KIAA1614: variants seen among roughly 807,000 people sequenced by gnomAD.
KIAA1614 encodes the protein uncharacterized protein KIAA1614.
KIAA1614 carries 76 observed loss-of-function variants against 88.7 expected under a neutral mutation model. The observed-to-expected ratio is 0.86, with a 90% CI of 0.71 to 1.04. KIAA1614 has a LOEUF of 1.04. Among genes scored for constraint, KIAA1614 ranks in the 50% least tolerant of loss-of-function variants. KIAA1614 has a pLI of 0.00. For missense variants in KIAA1614, 1,553 were observed against 1,582.5 expected, an observed-to-expected ratio of 0.98 and a Z score of 0.32; for synonymous variants, 714 against 675.5, an observed-to-expected ratio of 1.06 and a Z score of -0.88.
intron 3 of KIAA1614, among the ~76,000 whole-genome samples, chr1:180,918,391 TGCTATCCCACG>T (rs1266646797): frequency 6.6e-6 from 1 of 152,200 alleles, no homozygotes; most frequent in Non-Finnish European, 1.5e-5. Flanking sequence ...AACCTTACCA[TGCTATCCCACG>T]GCCTTCGCTC....
chr1:180,946,093 A>G lies in KIAA1614; in HGVS notation c.*505A>G, dbSNP rs1378731562. 1 of 141,926 alleles carries G rather than the reference A, an allele frequency of 7.0e-6. No homozygotes were observed. Among genetic ancestry groups the G allele is most frequent in the Admixed American group, 7.5e-5 (1 of 13,354 alleles). The allele number at this position is 141,926 out of a possible 1,614,324, so 8.8% of individuals were successfully genotyped here. A position where few individuals can be genotyped will look rare whatever the true frequency, so the allele number is the denominator to read the frequency against. On this transcript the variant is annotated 3_prime_UTR_variant, in exon 9 of 9. Transcript: ENST00000367588. ...ACTCCAGCCTGGGCAACAAGAGCAA[A>G]ACTTCATCTCAAAGGAAAAAAAAAA...
intron 3 of KIAA1614, among the ~76,000 whole-genome samples, chr1:180,923,610 G>A (rs1654000587): frequency 6.6e-6 from 1 of 152,150 alleles, no homozygotes; most frequent in Non-Finnish European, 1.5e-5. Context: ...TGAGCTCCTG[G>A]GGCAAGAACT....
Position 180,948,962 on chromosome 1 carries a change from G to A in KIAA1614, c.*3374G>A, listed in dbSNP as rs552502664. Reference sequence around the variant, plus strand: ...ACACTTCAGAGGCAGGCTTTAAAACGCCTGACTTCTGTCAGGGCCACAGGC... The same window carrying A: ...ACACTTCAGAGGCAGGCTTTAAAACACCTGACTTCTGTCAGGGCCACAGGC... On this transcript the variant is annotated 3_prime_UTR_variant, in exon 9 of 9. Transcript: ENST00000367588. 4 of 152,352 alleles carry A rather than the reference G, an allele frequency of 2.6e-5. No individual in the cohort carries two copies. Among genetic ancestry groups the A allele is most frequent in the South Asian group, 2.1e-4 (1 of 4,832 alleles). The allele number at this position is 152,352 out of a possible 1,614,324, so 9.4% of individuals were successfully genotyped here.
intron 4 of KIAA1614, among the ~76,000 whole-genome samples, chr1:180,929,612 C>A (rs1654148328): frequency 6.6e-6 from 1 of 152,236 alleles, no homozygotes; most frequent in African/African-American, 2.4e-5. Flanking sequence ...GCCCCCTGAG[C>A]AACACACTGC....
intron 4 of KIAA1614, among the ~76,000 whole-genome samples, chr1:180,933,693 T>G (rs1654250948): frequency 6.6e-6 from 1 of 152,192 alleles, no homozygotes; most frequent in Non-Finnish European, 1.5e-5. Context: ...CTTCCGGAAC[T>G]GAGCAGGACT....
At chr1:180,929,689 C>T (rs1654150171) in intron 4 of KIAA1614, among the ~76,000 whole-genome samples, 1 of 152,254 alleles carries the variant, frequency 6.6e-6, no homozygotes, top group Non-Finnish European at 1.5e-5. Context: ...TGGACTTCAC[C>T]ACCACACAGA....
chr1:180,917,674 C>G (rs3761905), intron 2 of KIAA1614, among the ~76,000 whole-genome samples, 177 bp from the exon 3 acceptor site: 54,291 of 152,072 alleles, frequency 0.36, 9,928 homozygotes, highest in East Asian at 0.5. Context: ...CAGCATATGG[C>G]TGTGCCCACA....
Position 180,935,654 on chromosome 1 carries a change from T to C in KIAA1614, c.1745T>C (p.Leu582Pro). 1 of 1,612,794 alleles carries C rather than the reference T, an allele frequency of 6.2e-7. No individual in the cohort carries two copies. Among genetic ancestry groups the C allele is most frequent in the Non-Finnish European group, 8.5e-7 (1 of 1,179,608 alleles). Residue 582 changes from leucine (L) to proline (P), a missense_variant, in exon 5 of 9, where the codon CTC (leucine) becomes CCC (proline). Physicochemically the swap from Leu to Pro is moderately conservative, Grantham distance 98. Coordinates refer to ENST00000367588, the MANE Select transcript of KIAA1614 (RefSeq NM_020950.2). This position sits in a 1 kb window ranked among gnomAD's most constrained non-coding sequence, Gnocchi z 6.1. Reference sequence around the variant, plus strand: ...GGTGGCCTGAGCTCCCCACTCCGGCTCCTTCCTGCAGAGCCCCGGCTCCAC... The same window carrying C: ...GGTGGCCTGAGCTCCCCACTCCGGCCCCTTCCTGCAGAGCCCCGGCTCCAC... ...VLGGLSSPLRLLPAEPRLHME... is the reference protein window; with the variant it reads ...VLGGLSSPLRPLPAEPRLHME...
intron 3 of KIAA1614, among the ~76,000 whole-genome samples, chr1:180,919,887 C>T (rs1435543010): frequency 2.6e-5 from 4 of 152,096 alleles, no homozygotes. Flanking sequence ...GCAGGGTGTG[C>T]GTACCTGTGT....
chr1:180,936,299 C>T lies in KIAA1614; in HGVS notation c.2390C>T (p.Pro797Leu), dbSNP rs1444252657. 6.2e-7 allele frequency: 1 copy of T among 1,614,102 alleles called. No homozygotes were observed. The highest frequency in any genetic ancestry group is 1.3e-5 in the African/African-American group (1 of 74,936). Reference protein sequence around the residue: ...EPSAPHQAWQPTASLCPEGWA... With the variant: ...EPSAPHQAWQLTASLCPEGWA... ...TCTGCCCCACACCAAGCCTGGCAGC[C>T]AACAGCTTCCTTGTGTCCTGAAGGC... The change falls in exon 5 of 9, where the codon CCA (proline) becomes CTA (leucine). Residue 797 changes from proline (P) to leucine (L), a missense_variant. By Grantham distance (98) the Pro-to-Leu change is moderately conservative (BLOSUM62 -3). Transcript: ENST00000367588.
chr1:180,940,630 C>CTTTCT (rs779788428), intron 6 of KIAA1614, among the ~76,000 whole-genome samples: 26 of 151,908 alleles, frequency 1.7e-4, no homozygotes, highest in South Asian at 4.2e-4. Flanking sequence ...TCTTTTTTTT[C>CTTTCT]TTTCTTTTCT....
In KIAA1614 at chr1:180,927,082, A is replaced by G. The variant is rs1057316891; in HGVS notation, c.1062-1348A>G. On this transcript the variant is annotated intron_variant, in intron 3 of 8. Transcript: ENST00000367588. ...AGAAAAGAAATCATAGTCTGCCCAG[A>G]GTTTGTCCAAGGATGTCCAAGGAAG... is the stretch of plus-strand genomic sequence containing the variant. Among the ~76,000 whole-genome samples, 9 of 152,162 alleles carry G rather than the reference A, an allele frequency of 5.9e-5. No individual in the cohort carries two copies. In the South Asian group the frequency reaches 1.9e-3, roughly 31 times the overall value.
intron 3 of KIAA1614, among the ~76,000 whole-genome samples, chr1:180,918,677 C>T (rs533200943): frequency 1.3e-5 from 2 of 152,162 alleles, no homozygotes; most frequent in Non-Finnish European, 2.9e-5. Flanking sequence ...GTGTTGTCAG[C>T]CCCTGCGAGG....
intron 7 of KIAA1614, among the ~76,000 whole-genome samples, chr1:180,943,027 G>GTTTTTTT (rs1261396134): frequency 9.0e-5 from 2 of 22,324 alleles, no homozygotes; most frequent in African/African-American, 1.9e-4. Context: ...TAGTTTTTTG[G>GTTTTTTT]GTTTTTTTTT....
At chr1:180,919,954 T>A (rs974124289) in intron 3 of KIAA1614, among the ~76,000 whole-genome samples, 1 of 152,104 alleles carries the variant, frequency 6.6e-6, no homozygotes. Context: ...TTAGTGAGTT[T>A]TAGGACTCTG....
At chr1:180,922,357 G>A (rs11584360) in intron 3 of KIAA1614, among the ~76,000 whole-genome samples, 37,895 of 152,082 alleles carry the variant, frequency 0.25, 5,203 homozygotes, top group South Asian at 0.41. Context: ...GGATCCACAA[G>A]CCCAGTCCCT....
At chr1:180,930,140 C>T (rs539881924) in intron 4 of KIAA1614, among the ~76,000 whole-genome samples, 1 of 152,266 alleles carries the variant, frequency 6.6e-6, no homozygotes, top group Admixed American at 6.5e-5. Context: ...GCATGGTGGG[C>T]TGGGCACCGT....
In KIAA1614 at chr1:180,936,165, C is replaced by G; in HGVS notation, c.2256C>G (p.Pro752=). 1 of 1,614,184 alleles carries G rather than the reference C, an allele frequency of 6.2e-7. No individual in the cohort carries two copies. The part of the protein sequence containing the change: ...PCRTAYATTA[P]MTPESSGPGG... ...GGACAGCCTATGCCACCACCGCCCC[C>G]ATGACGCCTGAATCATCGGGGCCAG... Residue 752 remains proline (P), a synonymous_variant, in exon 5 of 9, where the codon CCC becomes CCG. Transcript: ENST00000367588.
chr1:180,935,495 C>T lies in KIAA1614; in HGVS notation c.1586C>T (p.Ala529Val). The T allele has an allele frequency of 6.7e-7, 1 of 1,503,694 alleles. No individual in the cohort carries two copies. Among genetic ancestry groups the T allele is most frequent in the Non-Finnish European group, 8.8e-7 (1 of 1,131,544 alleles). The allele number at this position is 1,503,694 out of a possible 1,614,324, so 93.1% of individuals were successfully genotyped here. A position where few individuals can be genotyped will look rare whatever the true frequency, so the allele number is the denominator to read the frequency against. Reference protein sequence around the residue: ...LDRRGHPAPPAPGSERRCQAC... With the variant: ...LDRRGHPAPPVPGSERRCQAC... Reference sequence around the variant, plus strand: ...CGCAGGGGACACCCGGCACCGCCGGCACCGGGCAGCGAGAGGAGGTGCCAG... The same window carrying T: ...CGCAGGGGACACCCGGCACCGCCGGTACCGGGCAGCGAGAGGAGGTGCCAG... Residue 529 changes from alanine to valine, a missense_variant, in exon 5 of 9, where the codon GCA becomes GTA. Physicochemically the swap from Ala to Val is moderately conservative, Grantham distance 64 (BLOSUM62 0). Coordinates refer to ENST00000367588, the MANE Select transcript of KIAA1614 (RefSeq NM_020950.2). This position sits in a 1 kb window ranked among gnomAD's most constrained non-coding sequence, Gnocchi z 6.1.
Sources: allele counts gnomAD v4.1 joint callset (sites outside exome capture counted in the v4.1 genomes callset), GRCh38; gene constraint gnomAD v4.1.1; non-coding constraint Gnocchi (gnomAD v3.1); transcripts MANE v1.5; gene names NCBI Gene and HGNC (gene_info 2026-07-23, HGNC 2026-07-21).